The following MARCHF1 variants were observed in gnomAD, a reference collection of about 807,000 sequenced individuals.
MARCHF1 encodes membrane associated ring-CH-type finger 1, also known as E3 ubiquitin-protein ligase MARCHF1.
In MARCHF1, 40 loss-of-function variants were observed where a neutral mutation model predicts 54.2. The ratio of observed to expected loss-of-function variants is 0.74; its 90% CI spans 0.57 to 0.96. The LOEUF is 0.96. MARCHF1 is among the 40% of genes least tolerant of loss of function. The probability of loss-of-function intolerance (pLI) is 0.00; values close to 1 mark genes in which losing one functional copy is unlikely to be tolerated. For synonymous variants in MARCHF1, 236 were observed against 236.3 expected (o/e 1.00, Z 0.01); for missense variants, 586 against 656.5 (o/e 0.89, Z 1.17).
chr4:163,747,414 A>G (rs546478578), intron 4 of MARCHF1, among the ~76,000 whole-genome samples: 16 of 152,320 alleles, frequency 1.1e-4, no homozygotes, highest in Non-Finnish European at 1.3e-4. Context: ...TCCAAGATAT[A>G]TAAGCTCACA....
At chr4:164,174,469 G>A (rs1730610869) in intron 1 of MARCHF1, among the ~76,000 whole-genome samples, 1 of 152,170 alleles carries the variant, frequency 6.6e-6, no homozygotes, top group South Asian at 2.1e-4. Flanking sequence ...CTGTGATGTT[G>A]CTCAGAAAAC....
At position 163,946,202 on chromosome 4, in the gene MARCHF1, C is replaced by T. The variant is rs965469613; in HGVS notation, c.-39+42299G>A. Among the ~76,000 whole-genome samples, 6 of 152,098 alleles carry T rather than the reference C, an allele frequency of 3.9e-5. No individual in the cohort carries two copies. In the East Asian group the frequency reaches 7.7e-4, roughly 20 times the overall value. On this transcript the variant is annotated intron_variant, in intron 3 of 9. Transcript: ENST00000514618. ...AAAAATCTCCACCATTTCCTCTCAA[C>T]GTCGCAAATATATTTTCTACTATGT...
At chr4:163,603,803 T>C (rs1741055427) in intron 7 of MARCHF1, among the ~76,000 whole-genome samples, 1 of 152,106 alleles carries the variant, frequency 6.6e-6, no homozygotes, top group African/African-American at 2.4e-5. Context: ...ATGGCCAATC[T>C]TTCCACTTTA....
At chr4:164,086,208 T>C (rs1389681126) in intron 2 of MARCHF1, among the ~76,000 whole-genome samples, 2 of 151,878 alleles carry the variant, frequency 1.3e-5, no homozygotes, top group African/African-American at 4.8e-5. Context: ...CACTTCAATA[T>C]ACCTGAGTAC....
At chr4:163,891,983 A>T (rs1361216277) in intron 3 of MARCHF1, among the ~76,000 whole-genome samples, 1 of 152,172 alleles carries the variant, frequency 6.6e-6, no homozygotes, top group Non-Finnish European at 1.5e-5. Context: ...AGGCACTAAA[A>T]AGTCTCAATA....
intron 5 of MARCHF1, among the ~76,000 whole-genome samples, chr4:163,624,718 C>T (rs374914401): frequency 7.2e-5 from 11 of 152,218 alleles, no homozygotes; most frequent in African/African-American, 2.7e-4. Context: ...TTCCCCATTA[C>T]CTGAGTGTCC....
At chr4:164,022,508 G>A (rs2110971335) in intron 2 of MARCHF1, among the ~76,000 whole-genome samples, 2 of 152,192 alleles carry the variant, frequency 1.3e-5, no homozygotes, top group Middle Eastern at 6.8e-3. Flanking sequence ...AAAGAGGCGA[G>A]TTAAGGGAAG....
chr4:164,041,409 C>A (rs1442593384), intron 2 of MARCHF1, among the ~76,000 whole-genome samples: 1 of 152,110 alleles, frequency 6.6e-6, no homozygotes, highest in Non-Finnish European at 1.5e-5. Flanking sequence ...CCTAGAAGCT[C>A]TTTGTGGATA....
At chr4:164,010,062 C>CTTTTTTTTTTT in intron 2 of MARCHF1, among the ~76,000 whole-genome samples, 1 of 98,574 alleles carries the variant, frequency 1.0e-5, no homozygotes. Flanking sequence ...TCAAAAAACT[C>CTTTTTTTTTTT]TTTTTTTTTT....
rs187396174 is a variant in MARCHF1 at position 164,147,961 on chromosome 4, T to C, written c.-322-36299A>G. Among the ~76,000 whole-genome samples the C allele has an allele frequency of 1.9e-3, 286 of 152,240 alleles. 1 individual carries two copies. The highest frequency in any genetic ancestry group is 6.1e-3 in the African/African-American group (255 of 41,544). ...GATAAATATAGCAAAGTATAATCTA[T>C]AGAATATTCAAATTTGCTGAAAATT... On this transcript the variant is annotated intron_variant, in intron 1 of 9. Transcript: ENST00000514618.
intron 4 of MARCHF1, among the ~76,000 whole-genome samples, chr4:163,763,708 C>T (rs754975278): frequency 6.6e-6 from 1 of 151,946 alleles, no homozygotes. Context: ...TGTTATGTAC[C>T]GTATAGCAAT....
At chr4:163,684,699 C>T (rs1319558793) in intron 5 of MARCHF1, among the ~76,000 whole-genome samples, 2 of 152,180 alleles carry the variant, frequency 1.3e-5, no homozygotes, top group Non-Finnish European at 2.9e-5. Flanking sequence ...TTTATTGCCT[C>T]TGGGCATTTC....
At chr4:164,232,051 G>T (rs1432629588) in intron 1 of MARCHF1, among the ~76,000 whole-genome samples, 3 of 152,168 alleles carry the variant, frequency 2.0e-5, no homozygotes, top group African/African-American at 7.2e-5. Flanking sequence ...TATTTCATTT[G>T]CATACAATCT....
chr4:164,197,331 G>A (rs538461825), intron 1 of MARCHF1: 71 of 1,612,360 alleles, frequency 4.4e-5, no homozygotes, highest in South Asian at 3.7e-4. Flanking sequence ...CGTTTTCTCC[G>A]TAGTCGTTCA....
At chr4:163,579,179 C>T (rs1740135107) in intron 8 of MARCHF1, among the ~76,000 whole-genome samples, 1 of 152,114 alleles carries the variant, frequency 6.6e-6, no homozygotes, top group South Asian at 2.1e-4. Flanking sequence ...TAGAATAAAT[C>T]AGGAGACACT....
chr4:163,543,664 T>A (rs947311485), intron 9 of MARCHF1, among the ~76,000 whole-genome samples: 1 of 152,162 alleles, frequency 6.6e-6, no homozygotes, highest in Non-Finnish European at 1.5e-5. Context: ...TTTTTGTGGC[T>A]GAAGTTGAGA....
chr4:163,546,218 C>T (rs1738901070), intron 8 of MARCHF1, among the ~76,000 whole-genome samples: 2 of 152,098 alleles, frequency 1.3e-5, no homozygotes. Context: ...TCAAGTAATC[C>T]ACCCCCACCT....
intron 2 of MARCHF1, among the ~76,000 whole-genome samples, chr4:164,095,604 A>G (rs565168661): frequency 4.3e-4 from 65 of 152,300 alleles, no homozygotes; most frequent in African/African-American, 1.5e-3. Flanking sequence ...AATAAACCAT[A>G]ATCACTAATT....
chr4:163,851,928 T>A (rs757171047), intron 4 of MARCHF1, among the ~76,000 whole-genome samples: 32 of 152,152 alleles, frequency 2.1e-4, no homozygotes, highest in Non-Finnish European at 4.1e-4. Context: ...CCAACACACA[T>A]CAGCCCATAA....
Sources: gnomAD v4.1 joint callset for allele counts (sites outside exome capture counted in the v4.1 genomes callset) on GRCh38, gnomAD v4.1.1 for gene constraint, MANE v1.5 for transcripts, NCBI Gene and HGNC (gene_info 2026-07-23, HGNC 2026-07-21) for gene names.